The following SPCS3 variants were observed in gnomAD, a reference collection of about 807,000 sequenced individuals.
SPCS3 encodes the protein SPase 22 kDa subunit.
A neutral mutation model predicts 17.2 loss-of-function variants in SPCS3; 9 were observed. That is an observed-to-expected ratio of 0.52 (90% CI 0.31 to 0.91). The LOEUF (loss-of-function observed/expected upper bound fraction) is 0.91, where lower values mean the gene tolerates loss of function less well. Among genes scored for constraint, SPCS3 ranks in the 40% least tolerant of loss-of-function variants. The probability of loss-of-function intolerance (pLI) is 0.04; values close to 1 mark genes in which losing one functional copy is unlikely to be tolerated. For missense variants in SPCS3, 139 were observed against 217.5 expected (o/e 0.64, Z 2.27); for synonymous variants, 87 against 89.6 (o/e 0.97, Z 0.16).
intron 1 of SPCS3, chr4:176,320,899 C>G (rs964946172): frequency 6.6e-6 from 1 of 152,300 alleles, no homozygotes; most frequent in African/African-American, 2.4e-5. Flanking sequence ...TTCTTTATTT[C>G]TTTTTCTTTT....
chr4:176,321,980 G>C, intron 1 of SPCS3, 190 bp from the exon 2 acceptor site: 3 of 447,114 alleles, frequency 6.7e-6, no homozygotes, highest in Admixed American at 4.1e-5. Context: ...ATTAGCTGAA[G>C]ACCTACTTTA....
intron 3 of SPCS3, among the ~76,000 whole-genome samples, chr4:176,326,098 C>T (rs1358601544): frequency 2.0e-5 from 3 of 151,898 alleles, no homozygotes; most frequent in Non-Finnish European, 4.4e-5. Flanking sequence ...TCAGGAGTTC[C>T]AGACCAGCCT....
intron 3 of SPCS3, among the ~76,000 whole-genome samples, chr4:176,324,552 CAGAT>C (rs1323008421): frequency 6.6e-6 from 1 of 152,162 alleles, no homozygotes. Flanking sequence ...GCCCTTAAGT[CAGAT>C]AGATGGGCAC....
chr4:176,327,273 C>G lies in SPCS3; in HGVS notation c.406C>G (p.Leu136Val). The G allele has an allele frequency of 6.5e-7, 1 of 1,530,490 alleles. No homozygotes were observed. Among genetic ancestry groups the G allele is most frequent in the Non-Finnish European group, 8.8e-7 (1 of 1,135,324 alleles). The allele number at this position is 1,530,490 out of a possible 1,614,324, so 94.8% of individuals were successfully genotyped here. A position where few individuals can be genotyped will look rare whatever the true frequency, so the allele number is the denominator to read the frequency against. Residue 136 changes from leucine (L) to valine (V), a missense_variant, in exon 4 of 5, where the codon CTC (leucine) becomes GTC (valine). Leu to Val is a conservative substitution (Grantham distance 32). Coordinates refer to ENST00000503362, the MANE Select transcript of SPCS3 (RefSeq NM_021928.4). ...TTTTTTCTTTGACGATGGAAATGGT[C>G]TCAAGTGAGCAATTCTTGGTCATTT... ...KYFFFDDGNG[L>V]KGNRNVTLTL...
At chr4:176,321,124 A>G (rs573788001) in intron 1 of SPCS3, 1 of 150,862 alleles carries the variant, frequency 6.6e-6, no homozygotes, top group African/African-American at 2.4e-5. Flanking sequence ...CAGAATCGCC[A>G]AGAAGCCAGT....
At chr4:176,327,072 G>T in intron 3 of SPCS3, 90 bp from the exon 4 acceptor site, 1 of 721,988 alleles carries the variant, frequency 1.4e-6, no homozygotes, top group Non-Finnish European at 2.2e-6. Context: ...TCATTAACAT[G>T]TCAAACTATT....
At position 176,322,364 on chromosome 4, in the gene SPCS3, G is replaced by C. The variant is rs373616328; in HGVS notation, c.217+121G>C. ...GAATCAGCCAAACCTTGGAAATTCC[G>C]CCTTTTTCATCAGTAAAATAATGTT... On this transcript the variant is annotated intron_variant, in intron 2 of 4. Coordinates refer to ENST00000503362, the MANE Select transcript of SPCS3 (RefSeq NM_021928.4). The C allele has an allele frequency of 1.8e-4, 109 of 621,576 alleles. No individual in the cohort carries two copies. In the East Asian group the frequency reaches 2.3e-3, roughly 13 times the overall value. The allele number at this position is 621,576 out of a possible 1,614,324, so 38.5% of individuals were successfully genotyped here.
intron 3 of SPCS3, chr4:176,326,875 C>T (rs753585872): frequency 1.0e-4 from 19 of 185,648 alleles, no homozygotes; most frequent in Non-Finnish European, 1.9e-4. Flanking sequence ...TTTTGGAGAT[C>T]TTATAGATCA....
intron 1 of SPCS3, 195 bp downstream of exon 1, chr4:176,320,414 C>T (rs1182763929): frequency 2.9e-6 from 1 of 340,678 alleles, no homozygotes; most frequent in Non-Finnish European, 5.1e-6. Context: ...CCCCTCGGAA[C>T]TTGCACCCCT....
rs1326406264 is a variant in SPCS3 at position 176,330,067 on chromosome 4, A to G, written c.*1737A>G. The G allele has an allele frequency of 1.3e-5, 2 of 152,272 alleles. No homozygotes were observed. The highest frequency in any genetic ancestry group is 4.8e-5 in the African/African-American group (2 of 41,550). 9.4% of individuals were successfully genotyped at this position (152,272 alleles called of 1,614,324 possible). On this transcript the variant is annotated 3_prime_UTR_variant, in exon 5 of 5. Transcript: ENST00000503362. Reference sequence around the variant, plus strand: ...TTTATCTGTAAAATGACAGAGTTGGACCAGTTAACTTTAATGGCCATCCTT... The same window carrying G: ...TTTATCTGTAAAATGACAGAGTTGGGCCAGTTAACTTTAATGGCCATCCTT...
chr4:176,327,320 A>G, intron 4 of SPCS3, 43 bp downstream of exon 4: 1 of 1,145,336 alleles, frequency 8.7e-7, no homozygotes, highest in Non-Finnish European at 1.2e-6. Context: ...ATAAGAGGTG[A>G]AAAAGAGAGA....
At position 176,328,522 on chromosome 4, in the gene SPCS3, A is replaced by G; in HGVS notation, c.*192A>G. 2.9e-6 allele frequency: 1 copy of G among 344,412 alleles called. No individual in the cohort carries two copies. The highest frequency in any genetic ancestry group is 5.2e-6 in the Non-Finnish European group (1 of 194,144). 21.3% of individuals were successfully genotyped at this position (344,412 alleles called of 1,614,324 possible). A position where few individuals can be genotyped will look rare whatever the true frequency, so the allele number is the denominator to read the frequency against. ...GTTAATGGGCTACTTAATATTATGAACAAAACAAAAAAACAAGGCTGCCAC... is the reference window on the plus strand; with the variant it reads ...GTTAATGGGCTACTTAATATTATGAGCAAAACAAAAAAACAAGGCTGCCAC... On this transcript the variant is annotated 3_prime_UTR_variant, in exon 5 of 5. Coordinates refer to ENST00000503362, the MANE Select transcript of SPCS3 (RefSeq NM_021928.4).
In SPCS3 at chr4:176,331,303, A is replaced by G. The variant is rs1579361070; in HGVS notation, c.*2973A>G. On this transcript the variant is annotated 3_prime_UTR_variant, in exon 5 of 5. Coordinates refer to ENST00000503362, the MANE Select transcript of SPCS3 (RefSeq NM_021928.4). ...TATATGTCAATGGAGGTATTATTTT[A>G]TAATACTTTGCATTGACATGAAGTG... The G allele has an allele frequency of 6.6e-6, 1 of 152,090 alleles. No homozygotes were observed. Among genetic ancestry groups the G allele is most frequent in the East Asian group, 1.9e-4 (1 of 5,194 alleles). The allele number at this position is 152,090 out of a possible 1,614,324, so 9.4% of individuals were successfully genotyped here. A position where few individuals can be genotyped will look rare whatever the true frequency, so the allele number is the denominator to read the frequency against.
Position 176,322,226 on chromosome 4 carries a change from C to T in SPCS3, c.200C>T (p.Thr67Ile). Residue 67 changes from threonine to isoleucine, a missense_variant, in exon 2 of 5, where the codon ACA becomes ATA. Physicochemically the swap from Thr to Ile is moderately conservative, Grantham distance 89 (BLOSUM62 -1). Coordinates refer to ENST00000503362, the MANE Select transcript of SPCS3 (RefSeq NM_021928.4). ...PRERSDLGFI[T>I]FDITADLENI... ...GAAAGAAGTGATCTGGGATTTATCA[C>T]ATTTGATATAACTGCTGATATCCTT... 6.2e-7 allele frequency: 1 copy of T among 1,603,312 alleles called. No homozygotes were observed. Among genetic ancestry groups the T allele is most frequent in the East Asian group, 2.2e-5 (1 of 44,732 alleles).
chr4:176,328,435 GGTTTTTT>G lies in SPCS3; in HGVS notation c.*106_*112del, dbSNP rs1560838831. On this transcript the variant is annotated 3_prime_UTR_variant, in exon 5 of 5. Transcript: ENST00000503362. ...ATTGTTGGTTTGTTTTTTGGTTTTG[GGTTTTTT>G]TTTTTTTTTTTTTGGTATAAGAACT... 2 of 818,756 alleles carry G rather than the reference GGTTTTTT, an allele frequency of 2.4e-6. No individual in the cohort carries two copies. The highest frequency in any genetic ancestry group is 3.7e-5 in the East Asian group (1 of 26,966). The allele number at this position is 818,756 out of a possible 1,614,324, so 50.7% of individuals were successfully genotyped here.
rs76810506 is a variant in SPCS3 at position 176,324,981 on chromosome 4, A to T, written c.294+724A>T. On this transcript the variant is annotated intron_variant, in intron 3 of 4. Transcript: ENST00000503362. ...AGTAAGATCAGAAAGATATTGCTGA[A>T]CTATCAACTAGGAAATGGAGTGGGT... Among the ~76,000 whole-genome samples, 518 of 152,224 alleles carry T rather than the reference A, an allele frequency of 3.4e-3. 5 individuals are homozygous for T. The highest frequency in any genetic ancestry group is 0.034 in the Middle Eastern group (10 of 294).
At position 176,322,238 on chromosome 4, in the gene SPCS3, C is replaced by T. The variant is rs1332482963; in HGVS notation, c.212C>T (p.Thr71Ile). The T allele has an allele frequency of 6.3e-7, 1 of 1,588,838 alleles. No homozygotes were observed. Among genetic ancestry groups the T allele is most frequent in the Non-Finnish European group, 8.6e-7 (1 of 1,158,290 alleles). The change falls in exon 2 of 5, where the codon ACT (threonine) becomes ATT (isoleucine). Residue 71 changes from threonine (T) to isoleucine (I), a missense_variant. Transcript: ENST00000503362. ...SDLGFITFDITADLENIFDWN... is the reference protein window; with the variant it reads ...SDLGFITFDIIADLENIFDWN... The stretch of plus-strand genomic sequence containing the variant: ...CTGGGATTTATCACATTTGATATAA[C>T]TGCTGATATCCTTTAAGAAAATATT...
At chr4:176,323,615 A>G (rs1439067827) in intron 2 of SPCS3, among the ~76,000 whole-genome samples, 23 of 152,160 alleles carry the variant, frequency 1.5e-4, no homozygotes, top group Admixed American at 1.5e-3. Context: ...AATTCTGGTG[A>G]AGTTCTTGTC....
chr4:176,328,026 T>C (rs1731631662), intron 4 of SPCS3, among the ~76,000 whole-genome samples, 172 bp from the exon 5 acceptor site: 1 of 152,260 alleles, frequency 6.6e-6, no homozygotes, highest in African/African-American at 2.4e-5. Context: ...AGCATTGTCC[T>C]TGGATTTTAA....
Sources: gnomAD v4.1 joint callset for allele counts (sites outside exome capture counted in the v4.1 genomes callset) on GRCh38, gnomAD v4.1.1 for gene constraint, MANE v1.5 for transcripts, NCBI Gene and HGNC (gene_info 2026-07-23, HGNC 2026-07-21) for gene names.